Variants in GRID2 observed in about 807,000 individuals in gnomAD.
GRID2 encodes glutamate receptor ionotropic, delta-2.
Under a neutral mutation model 114.8 loss-of-function variants are expected in GRID2, and 33 were observed. That is an observed-to-expected ratio of 0.29 (90% confidence interval 0.22 to 0.38). The LOEUF (loss-of-function observed/expected upper bound fraction) is 0.38, where lower values mean the gene tolerates loss of function less well. Ranked by LOEUF, GRID2 falls within the 10% of genes least tolerant of loss-of-function variation. The pLI is 1.00. For synonymous variants in GRID2, 505 were observed against 449.9 expected, an observed-to-expected ratio of 1.12 and a Z score of -1.55; for missense variants, 1,184 against 1,257.7, an observed-to-expected ratio of 0.94 and a Z score of 0.89.
intron 2 of GRID2, among the ~76,000 whole-genome samples, chr4:92,738,598 G>A (rs1736717079): frequency 6.6e-6 from 1 of 152,052 alleles, no homozygotes; most frequent in Non-Finnish European, 1.5e-5. Context: ...TACTTGAACA[G>A]ACTTTTTGCT....
intron 2 of GRID2, among the ~76,000 whole-genome samples, chr4:92,615,026 C>A (rs1433121135): frequency 6.6e-6 from 1 of 150,874 alleles, no homozygotes; most frequent in African/African-American, 2.4e-5. Context: ...GTCAGGCTAC[C>A]AAAAACCAAA....
At chr4:93,020,748 A>G (rs1312641747) in intron 2 of GRID2, among the ~76,000 whole-genome samples, 4 of 152,256 alleles carry the variant, frequency 2.6e-5, no homozygotes, top group African/African-American at 7.2e-5. Context: ...AAAGAAATAT[A>G]TGGGCTGGGT....
At chr4:92,819,519 A>T (rs1341711162) in intron 2 of GRID2, among the ~76,000 whole-genome samples, 1 of 152,180 alleles carries the variant, frequency 6.6e-6, no homozygotes. Flanking sequence ...TGGGCTAGTT[A>T]CTAAACTTCT....
intron 1 of GRID2, among the ~76,000 whole-genome samples, chr4:92,570,049 G>C (rs1343120315): frequency 6.6e-6 from 1 of 151,906 alleles, no homozygotes; most frequent in Non-Finnish European, 1.5e-5. Flanking sequence ...ATGTCCTGAA[G>C]TGTATTGCCT....
At chr4:92,857,676 A>C (rs1744266905) in intron 2 of GRID2, among the ~76,000 whole-genome samples, 3 of 152,204 alleles carry the variant, frequency 2.0e-5, no homozygotes, top group Admixed American at 2.0e-4. Context: ...TGAAGCAGGA[A>C]GTTTTCATGT....
chr4:93,359,608 G>A (rs1761686287), intron 8 of GRID2, among the ~76,000 whole-genome samples: 1 of 150,908 alleles, frequency 6.6e-6, no homozygotes. Flanking sequence ...TTCTCTCTCT[G>A]TGACTATAAG....
intron 1 of GRID2, among the ~76,000 whole-genome samples, chr4:92,329,045 C>G (rs1579188018): frequency 6.6e-6 from 1 of 152,016 alleles, no homozygotes; most frequent in East Asian, 1.9e-4. Context: ...TCTGTGTGCA[C>G]GTGTATATAT....
intron 1 of GRID2, among the ~76,000 whole-genome samples, chr4:92,583,465 C>T (rs548588966): frequency 1.3e-5 from 2 of 151,938 alleles, no homozygotes; most frequent in East Asian, 3.9e-4. Flanking sequence ...ATAAGATGAA[C>T]TGAGAAAAAT....
chr4:92,341,113 A>T (rs941751895), intron 1 of GRID2, among the ~76,000 whole-genome samples: 1 of 152,226 alleles, frequency 6.6e-6, no homozygotes, highest in African/African-American at 2.4e-5. Context: ...TATGGTATAC[A>T]GTAGATAGTA....
chr4:92,520,385 C>A (rs918412971), intron 1 of GRID2, among the ~76,000 whole-genome samples: 3 of 143,970 alleles, frequency 2.1e-5, no homozygotes, highest in Non-Finnish European at 4.7e-5. Flanking sequence ...TAAAAAAAAA[C>A]AAGGAATATG....
intron 11 of GRID2, among the ~76,000 whole-genome samples, chr4:93,460,354 A>G (rs149944632): frequency 3.9e-4 from 59 of 151,986 alleles, no homozygotes; most frequent in African/African-American, 1.4e-3. Flanking sequence ...CTCTTTCCTA[A>G]CTCTTCACCT....
chr4:92,688,037 C>CTTTTTTTTTTTTTTTTTTTTTTTTTT (rs760605020), intron 2 of GRID2, among the ~76,000 whole-genome samples: 3 of 44,660 alleles, frequency 6.7e-5, no homozygotes, highest in Non-Finnish European at 1.2e-4. Context: ...CCTTCTTCTT[C>CTTTTTTTTTTTTTTTTTTTTTTTTTT]TTTTTTTTTT....
intron 2 of GRID2, among the ~76,000 whole-genome samples, chr4:92,867,812 A>C (rs530699224): frequency 1.5e-4 from 23 of 152,156 alleles, no homozygotes; most frequent in Non-Finnish European, 3.2e-4. Flanking sequence ...CAGCTATTCA[A>C]ATGTGTTTGG....
intron 2 of GRID2, among the ~76,000 whole-genome samples, chr4:92,664,737 C>G (rs999967983): frequency 4.6e-5 from 7 of 151,122 alleles, no homozygotes; most frequent in Non-Finnish European, 7.4e-5. Context: ...TGAATGTTTA[C>G]ATATCTTCAT....
At position 92,841,532 on chromosome 4, in the gene GRID2, A is replaced by C. The variant is rs181633684; in HGVS notation, c.245-243463A>C. 2.0e-4 allele frequency among the ~76,000 whole-genome samples: 30 copies of C among 152,070 alleles called. No homozygotes were observed. The East Asian group carries it at 5.4e-3, about 27-fold the overall frequency. On this transcript the variant is annotated intron_variant, in intron 2 of 15. Coordinates refer to ENST00000282020, the MANE Select transcript of GRID2 (RefSeq NM_001510.4). ...ATTTAGATGATGATTAGTTTATAAG[A>C]ATCTAAATATCAGTTAATATTAGTT...
At chr4:92,651,482 C>G (rs944627866) in intron 2 of GRID2, among the ~76,000 whole-genome samples, 2 of 152,004 alleles carry the variant, frequency 1.3e-5, no homozygotes, top group Non-Finnish European at 2.9e-5. Flanking sequence ...TGACTGGTAT[C>G]TATATAATAG....
chr4:93,378,487 G>T (rs943186066), intron 8 of GRID2, among the ~76,000 whole-genome samples: 1 of 151,894 alleles, frequency 6.6e-6, no homozygotes, highest in Non-Finnish European at 1.5e-5. Flanking sequence ...CATTTACTCT[G>T]GATTTTATTA....
chr4:93,608,466 C>A (rs1285524808), intron 13 of GRID2, among the ~76,000 whole-genome samples: 8 of 145,166 alleles, frequency 5.5e-5, no homozygotes, highest in Admixed American at 2.7e-4. Context: ...CCTCCCTCCC[C>A]CAACCCCACC....
chr4:93,304,238 C>A (rs1755173426), intron 8 of GRID2, among the ~76,000 whole-genome samples: 1 of 135,058 alleles, frequency 7.4e-6, no homozygotes, highest in South Asian at 2.3e-4. Flanking sequence ...TAAGACAATA[C>A]TTTGGAAATA....
Sources: gnomAD v4.1 joint callset for allele counts (sites outside exome capture counted in the v4.1 genomes callset) on GRCh38, gnomAD v4.1.1 for gene constraint, MANE v1.5 for transcripts, NCBI Gene and HGNC (gene_info 2026-07-23, HGNC 2026-07-21) for gene names.